The following AHI1 variants were observed in gnomAD, a reference collection of about 807,000 sequenced individuals.
The protein encoded by AHI1 is Abelson helper integration site 1.
AHI1 carries 123 observed loss-of-function variants against 149.3 expected under a neutral mutation model. That is an observed-to-expected ratio of 0.82 (90% CI 0.71 to 0.96). AHI1 has a LOEUF of 0.96. Among genes scored for constraint, AHI1 ranks in the 40% least tolerant of loss-of-function variants. AHI1 has a pLI of 0.00. For missense variants in AHI1, 1,439 were observed against 1,422.7 expected (o/e 1.01, Z -0.18); for synonymous variants, 475 against 459.8 (o/e 1.03, Z -0.42).
In AHI1 at chr6:135,411,242, A is replaced by T. The variant is rs1781542242; in HGVS notation, c.2961+106T>A. 8.3e-6 allele frequency: 9 copies of T among 1,089,638 alleles called. No homozygotes were observed. The South Asian group carries it at 1.4e-4, about 17-fold the overall frequency. The allele number at this position is 1,089,638 out of a possible 1,614,324, so 67.5% of individuals were successfully genotyped here. On this transcript the variant is annotated intron_variant, in intron 21 of 28. Coordinates refer to ENST00000265602, the MANE Select transcript of AHI1 (RefSeq NM_001134831.2). The stretch of plus-strand genomic sequence containing the variant: ...GAACCATAAAAGTATAGGAAGGTCT[A>T]ATTTTAAGTAATTAACTTACTTCAT...
intron 9 of AHI1, among the ~76,000 whole-genome samples, chr6:135,457,080 G>C (rs935832529): frequency 1.3e-5 from 2 of 151,914 alleles, no homozygotes; most frequent in Non-Finnish European, 2.9e-5. Flanking sequence ...ATCGCCTGAG[G>C]TCAGGAGTTC....
chr6:135,289,235 C>T (rs1782044988), intron 28 of AHI1, among the ~76,000 whole-genome samples: 1 of 151,898 alleles, frequency 6.6e-6, no homozygotes, highest in Admixed American at 6.6e-5. Flanking sequence ...GTGGCTCACG[C>T]CTGTAATCCC....
chr6:135,303,825 C>T (rs771582401), intron 26 of AHI1, among the ~76,000 whole-genome samples: 15 of 152,186 alleles, frequency 9.9e-5, no homozygotes, highest in South Asian at 4.1e-4. Context: ...CCCCCTGCTT[C>T]CCAACCCTAT....
In AHI1 at chr6:135,427,250, G is replaced by C; in HGVS notation, c.2681C>G (p.Ser894Cys). 3 of 1,610,466 alleles carry C rather than the reference G, an allele frequency of 1.9e-6. No individual in the cohort carries two copies. Among genetic ancestry groups the C allele is most frequent in the Non-Finnish European group, 2.5e-6 (3 of 1,177,686 alleles). ...LPFKSPIRDI[S>C]YHPFENMVAF... ...AACCATATTTTCAAATGGATGATAA[G>C]AAATGTCTCGAATGGGTGACTTGAA... is the stretch of plus-strand genomic sequence containing the variant. Residue 894 changes from serine to cysteine, a missense_variant, in exon 20 of 29, where the codon TCT (serine) becomes TGT (cysteine). Coordinates refer to ENST00000265602, the MANE Select transcript of AHI1 (RefSeq NM_001134831.2).
At position 135,472,018 on chromosome 6, in the gene AHI1, C is replaced by CAAAA. The variant is rs541390652; in HGVS notation, c.136-4388_136-4385dup. On this transcript the variant is annotated intron_variant, in intron 5 of 28. Coordinates refer to ENST00000265602, the MANE Select transcript of AHI1 (RefSeq NM_001134831.2). ...TGGGCGACAGAGCGAGACTCCGTCT[C>CAAAA]AAAAAAAAAAAAAAAAAAAAAAAAA... Among the ~76,000 whole-genome samples, 229 of 54,404 alleles carry CAAAA rather than the reference C, an allele frequency of 4.2e-3. 14 individuals carry two copies. Among genetic ancestry groups the CAAAA allele is most frequent in the African/African-American group, 0.011 (149 of 13,030 alleles). The allele number at this position is 54,404 out of a possible 152,430, so 35.7% of individuals were successfully genotyped here. A position where few individuals can be genotyped will look rare whatever the true frequency, so the allele number is the denominator to read the frequency against.
intron 15 of AHI1, among the ~76,000 whole-genome samples, chr6:135,434,471 A>G (rs1785101870): frequency 6.6e-6 from 1 of 152,090 alleles, no homozygotes; most frequent in South Asian, 2.1e-4. Flanking sequence ...AGATAGATGA[A>G]AAACTCAGTT....
intron 21 of AHI1, among the ~76,000 whole-genome samples, chr6:135,410,929 G>A (rs2127972338): frequency 6.6e-6 from 1 of 152,274 alleles, no homozygotes; most frequent in Admixed American, 6.5e-5. Flanking sequence ...TGAAACCTCT[G>A]CCTGTCTGGT....
At chr6:135,363,719 G>T (rs1794326735) in intron 23 of AHI1, among the ~76,000 whole-genome samples, 1 of 144,608 alleles carries the variant, frequency 6.9e-6, no homozygotes, top group Admixed American at 6.8e-5. Context: ...GGCTGGCCGG[G>T]CAGAGGCGCC....
chr6:135,357,217 G>A (rs527902145), intron 24 of AHI1, among the ~76,000 whole-genome samples: 4 of 152,178 alleles, frequency 2.6e-5, no homozygotes, highest in East Asian at 1.9e-4. Context: ...GATTACAGGC[G>A]TGAGCCACTG....
chr6:135,417,736 AGTTCT>A (rs1782587043), intron 20 of AHI1, among the ~76,000 whole-genome samples: 1 of 152,004 alleles, frequency 6.6e-6, no homozygotes, highest in South Asian at 2.1e-4. Flanking sequence ...TAACACCTTT[AGTTCT>A]GTGAAGGCAG....
At chr6:135,380,744 C>CCCCCAAAAA (rs1562623965) in intron 23 of AHI1, among the ~76,000 whole-genome samples, 1 of 100,462 alleles carries the variant, frequency 1.0e-5, no homozygotes, top group Non-Finnish European at 1.9e-5. Context: ...CCCCCCCCCC[C>CCCCCAAAAA]AAAAAAAAAG....
rs929325241 is a variant in AHI1 at position 135,302,740 on chromosome 6, C to T, written c.3427-2182G>A. 5 of 1,283,296 alleles carry T rather than the reference C, an allele frequency of 3.9e-6. No homozygotes were observed. In the African/African-American group the frequency reaches 6.1e-5, roughly 16 times the overall value. 79.5% of individuals were successfully genotyped at this position (1,283,296 alleles called of 1,614,324 possible). ...TTCCTTGGTCTCAGCAGCAGCACGTCATATAGGTAGTTACTCATGGAGGCA... is the reference window on the plus strand; with the variant it reads ...TTCCTTGGTCTCAGCAGCAGCACGTTATATAGGTAGTTACTCATGGAGGCA... On this transcript the variant is annotated intron_variant, in intron 26 of 28. Coordinates refer to ENST00000265602, the MANE Select transcript of AHI1 (RefSeq NM_001134831.2).
At chr6:135,319,770 T>C (rs1786523925) in intron 25 of AHI1, among the ~76,000 whole-genome samples, 1 of 152,190 alleles carries the variant, frequency 6.6e-6, no homozygotes, top group South Asian at 2.1e-4. Context: ...TAATTGTCTT[T>C]GTATGTGGAG....
chr6:135,344,305 C>T (rs1186636316), intron 24 of AHI1, among the ~76,000 whole-genome samples: 1 of 151,310 alleles, frequency 6.6e-6, no homozygotes, highest in Non-Finnish European at 1.5e-5. Flanking sequence ...TGTATCCAGA[C>T]TATACAAATA....
chr6:135,354,252 C>A (rs1417663209), intron 24 of AHI1, among the ~76,000 whole-genome samples: 1 of 151,984 alleles, frequency 6.6e-6, no homozygotes, highest in Non-Finnish European at 1.5e-5. Context: ...AGGAGCTTTA[C>A]AAAAATTTAA....
intron 23 of AHI1, among the ~76,000 whole-genome samples, chr6:135,385,624 A>G (rs1562635544): frequency 2.0e-5 from 3 of 152,240 alleles, no homozygotes; most frequent in Non-Finnish European, 4.4e-5. Flanking sequence ...GGGCTGTAGT[A>G]GATATAGAAG....
intron 15 of AHI1, among the ~76,000 whole-genome samples, chr6:135,437,326 C>T (rs1785561733): frequency 6.6e-6 from 1 of 152,122 alleles, no homozygotes; most frequent in Non-Finnish European, 1.5e-5. Context: ...CCAAAGTCAC[C>T]CCTCAGCAAA....
chr6:135,456,847 A>G (rs1562217328), intron 9 of AHI1, among the ~76,000 whole-genome samples: 2 of 152,254 alleles, frequency 1.3e-5, no homozygotes, highest in Admixed American at 6.5e-5. Context: ...CCCAGATAAC[A>G]TTACTTTCAA....
intron 8 of AHI1, among the ~76,000 whole-genome samples, chr6:135,458,938 T>C (rs1282333128): frequency 6.6e-6 from 1 of 151,986 alleles, no homozygotes; most frequent in African/African-American, 2.4e-5. Context: ...ACAAGAAAAA[T>C]AAACTGAAAA....
Sources: allele counts gnomAD v4.1 joint callset (sites outside exome capture counted in the v4.1 genomes callset), GRCh38; gene constraint gnomAD v4.1.1; transcripts MANE v1.5; gene names NCBI Gene and HGNC (gene_info 2026-07-23, HGNC 2026-07-21).